Variants in CALN1 observed in about 807,000 individuals in gnomAD.
The protein encoded by CALN1 is calneuron 1, also known as calcium-binding protein 8.
CALN1 carries 17 observed loss-of-function variants against 30.6 expected under a neutral mutation model. The observed-to-expected ratio is 0.56, with a 90% CI of 0.38 to 0.83. CALN1 has a LOEUF of 0.83. CALN1 is among the 40% of genes least tolerant of loss of function. The probability of loss-of-function intolerance (pLI) is 0.00; values close to 1 mark genes in which losing one functional copy is unlikely to be tolerated. For missense variants in CALN1, 291 were observed against 354.9 expected (o/e 0.82, Z 1.45); for synonymous variants, 156 against 131.4 (o/e 1.19, Z -1.28).
intron 1 of CALN1, among the ~76,000 whole-genome samples, chr7:72,405,400 G>A (rs572017034): frequency 6.6e-6 from 1 of 152,268 alleles, no homozygotes; most frequent in East Asian, 1.9e-4. Flanking sequence ...GGAGGTCTCA[G>A]GAAACTTAAC....
intron 5 of CALN1, among the ~76,000 whole-genome samples, chr7:71,875,244 G>A (rs1562862915): frequency 6.6e-6 from 1 of 150,626 alleles, no homozygotes; most frequent in East Asian, 2.0e-4. Flanking sequence ...CAGCAGATGG[G>A]CAAATGCAAG....
chr7:72,192,630 TATTATTATTATTA>T, intron 3 of CALN1, among the ~76,000 whole-genome samples: 1 of 450 alleles, frequency 2.2e-3, no homozygotes, highest in East Asian at 0.083. Context: ...TTTCTTTTAT[TATTATTATTATTA>T]TTATTATTAT....
chr7:72,029,073 T>C (rs966976147), intron 4 of CALN1, among the ~76,000 whole-genome samples: 2 of 152,308 alleles, frequency 1.3e-5, no homozygotes, highest in African/African-American at 4.8e-5. Flanking sequence ...CATAAAACAC[T>C]GATAATTCCC....
At chr7:71,832,284 T>C (rs1453395656) in intron 5 of CALN1, among the ~76,000 whole-genome samples, 3 of 152,192 alleles carry the variant, frequency 2.0e-5, no homozygotes, top group Admixed American at 2.0e-4. Context: ...ACCACACCAA[T>C]GACCCTAGGC....
chr7:72,253,092 C>T (rs1051273637), intron 3 of CALN1, among the ~76,000 whole-genome samples: 1 of 152,126 alleles, frequency 6.6e-6, no homozygotes, highest in Admixed American at 6.5e-5. Flanking sequence ...GACATTCCAT[C>T]CACCCTGTTC....
chr7:71,989,267 G>A (rs1476059235), intron 5 of CALN1, among the ~76,000 whole-genome samples: 10 of 152,120 alleles, frequency 6.6e-5, no homozygotes, highest in East Asian at 3.9e-4. Context: ...GTGAAACCCC[G>A]TCTCTACTAA....
intron 5 of CALN1, among the ~76,000 whole-genome samples, chr7:71,994,389 G>A (rs929478716): frequency 2.6e-5 from 4 of 151,756 alleles, no homozygotes; most frequent in Non-Finnish European, 5.9e-5. Flanking sequence ...GTGGGTACCT[G>A]TAATCCCAGC....
intron 5 of CALN1, among the ~76,000 whole-genome samples, chr7:71,930,420 G>A (rs2129520298): frequency 6.6e-6 from 1 of 152,166 alleles, no homozygotes; most frequent in African/African-American, 2.4e-5. Flanking sequence ...TCTGTATGTT[G>A]TCTTTCTATC....
At chr7:72,421,688 G>C (rs1397365682) in intron 1 of CALN1, among the ~76,000 whole-genome samples, 1 of 142,946 alleles carries the variant, frequency 7.0e-6, no homozygotes, top group Non-Finnish European at 1.5e-5. Context: ...ACAGGTTCAA[G>C]TGGTTCTCCC....
At chr7:72,125,518 G>A (rs1394887279) in intron 3 of CALN1, among the ~76,000 whole-genome samples, 1 of 152,178 alleles carries the variant, frequency 6.6e-6, no homozygotes, top group Non-Finnish European at 1.5e-5. Context: ...AGTGATAAAT[G>A]CTACAGAAAT....
At chr7:72,105,155 G>A (rs111272744) in intron 4 of CALN1, among the ~76,000 whole-genome samples, 2,943 of 152,102 alleles carry the variant, frequency 0.019, 95 homozygotes, top group African/African-American at 0.067. Context: ...TGTGACTCTC[G>A]TCTGGCTACA....
chr7:72,235,986 G>A (rs893652901), intron 3 of CALN1, among the ~76,000 whole-genome samples: 1 of 150,248 alleles, frequency 6.7e-6, no homozygotes, highest in Non-Finnish European at 1.5e-5. Flanking sequence ...GCTCATACCT[G>A]TAATCCCAGC....
At chr7:72,276,900 A>G (rs1231682415) in intron 3 of CALN1, among the ~76,000 whole-genome samples, 2 of 152,248 alleles carry the variant, frequency 1.3e-5, no homozygotes, top group Admixed American at 6.5e-5. Context: ...TCAAGGCACA[A>G]AAGAACTTAT....
At chr7:72,266,872 CA>C (rs1796631099) in intron 3 of CALN1, among the ~76,000 whole-genome samples, 1 of 152,160 alleles carries the variant, frequency 6.6e-6, no homozygotes, top group Admixed American at 6.5e-5. Context: ...CAACTCTCCA[CA>C]AAAGATATCT....
chr7:72,040,400 G>A (rs971557478), intron 4 of CALN1, among the ~76,000 whole-genome samples: 2 of 151,936 alleles, frequency 1.3e-5, no homozygotes, highest in Admixed American at 6.6e-5. Flanking sequence ...CAGGAAGATC[G>A]CTTGATCCTG....
At chr7:72,157,573 G>C (rs914581688) in intron 3 of CALN1, among the ~76,000 whole-genome samples, 1 of 151,118 alleles carries the variant, frequency 6.6e-6, no homozygotes. Context: ...AGGAAGACAG[G>C]GGAAAAAAAA....
the CALN1 span, among the ~76,000 whole-genome samples, chr7:72,455,996 A>T: frequency 6.6e-6 from 1 of 151,856 alleles, no homozygotes; most frequent in Non-Finnish European, 1.5e-5. Flanking sequence ...ACCATCCTGG[A>T]CAACAAGGTG....
At chr7:72,168,425 T>C (rs1212748319) in intron 3 of CALN1, among the ~76,000 whole-genome samples, 2 of 152,196 alleles carry the variant, frequency 1.3e-5, no homozygotes, top group African/African-American at 4.8e-5. Context: ...ATGTTTGGCA[T>C]CAGTAGTAAA....
At chr7:71,933,189 G>A (rs556361578) in intron 5 of CALN1, among the ~76,000 whole-genome samples, 4 of 152,256 alleles carry the variant, frequency 2.6e-5, no homozygotes, top group Admixed American at 1.3e-4. Flanking sequence ...CTCTTTGCCA[G>A]CCGTATGTAC....
Sources: allele counts gnomAD v4.1 joint callset (sites outside exome capture counted in the v4.1 genomes callset), GRCh38; gene constraint gnomAD v4.1.1; transcripts MANE v1.5; gene names NCBI Gene and HGNC (gene_info 2026-07-23, HGNC 2026-07-21).